Variants in SPTAN1 observed in about 807,000 individuals in gnomAD.
SPTAN1 encodes spectrin alpha, non-erythrocytic 1.
A neutral mutation model predicts 331.3 loss-of-function variants in SPTAN1; 61 were observed. That is an observed-to-expected ratio of 0.18 (90% confidence interval 0.15 to 0.23). The LOEUF (loss-of-function observed/expected upper bound fraction) is 0.23, where lower values mean the gene tolerates loss of function less well. Ranked by LOEUF, SPTAN1 falls within the 10% of genes least tolerant of loss-of-function variation. The pLI, the probability that SPTAN1 is intolerant of heterozygous loss-of-function variation, is 1.00. For missense variants in SPTAN1, 2,043 were observed against 3,147.9 expected (o/e 0.65, Z 8.40); for synonymous variants, 1,153 against 1,173.9 (o/e 0.98, Z 0.36).
Position 128,559,611 on chromosome 9 carries a change from AG to A in SPTAN1, c.-4+6916del, listed in dbSNP as rs548197086. Among the ~76,000 whole-genome samples, 82 of 152,298 alleles carry A rather than the reference AG, an allele frequency of 5.4e-4. 2 individuals carry two copies. Among genetic ancestry groups the A allele is most frequent in the African/African-American group, 1.9e-3 (80 of 41,564 alleles). The stretch of plus-strand genomic sequence containing the variant: ...AGAAAATTTTGGAAGCAAACAAATT[AG>A]ATGCATAATTTCTCAATGTTTTTCC... On this transcript the variant is annotated intron_variant, in intron 1 of 56. Coordinates refer to ENST00000372739, the MANE Select transcript of SPTAN1 (RefSeq NM_001130438.3).
At position 128,588,824 on chromosome 9, in the gene SPTAN1, A is replaced by G; in HGVS notation, c.2887A>G (p.Thr963Ala). ...AQSCRQQVAP[T>A]DDETGKELVL... Reference sequence around the variant, plus strand: ...GGATTTTTAGCAACAAGTGGCCCCCACGGATGATGAGACTGGGAAGGAGCT... The same window carrying G: ...GGATTTTTAGCAACAAGTGGCCCCCGCGGATGATGAGACTGGGAAGGAGCT... The change falls in exon 21 of 57, where the codon ACG becomes GCG. Residue 963 changes from threonine (T) to alanine (A), a missense_variant. By Grantham distance (58) the Thr-to-Ala change is moderately conservative. This residue lies in a region of SPTAN1 where 1,038 missense variants were observed against 1,531.5 expected (regional missense o/e 0.68). Transcript: ENST00000372739. The G allele has an allele frequency of 1.2e-6, 2 of 1,614,074 alleles. No individual in the cohort carries two copies. The highest frequency in any genetic ancestry group is 2.2e-5 in the South Asian group (2 of 91,076).
intron 1 of SPTAN1, among the ~76,000 whole-genome samples, chr9:128,558,756 A>G (rs1446044301): frequency 6.6e-6 from 1 of 152,178 alleles, no homozygotes; most frequent in Non-Finnish European, 1.5e-5. Context: ...TGCAGCATGC[A>G]GCCTCGGTTG....
intron 19 of SPTAN1, 107 bp from the exon 20 acceptor site, chr9:128,587,499 T>C: frequency 1.2e-6 from 1 of 857,114 alleles, no homozygotes; most frequent in Admixed American, 1.8e-5. Flanking sequence ...ATTACGTCAT[T>C]GTGCAACTGA....
chr9:128,555,742 C>T (rs965811854), intron 1 of SPTAN1, among the ~76,000 whole-genome samples: 1 of 148,812 alleles, frequency 6.7e-6, no homozygotes, highest in South Asian at 2.1e-4. Flanking sequence ...TTGGTGGCTA[C>T]TTGGTTTTTA....
chr9:128,556,648 C>T (rs1355921539), intron 1 of SPTAN1, among the ~76,000 whole-genome samples: 1 of 152,154 alleles, frequency 6.6e-6, no homozygotes, highest in Non-Finnish European at 1.5e-5. Flanking sequence ...AAAGCTAAGT[C>T]CCTGCTCACC....
Position 128,591,603 on chromosome 9 carries a change from C to T in SPTAN1, c.3133C>T (p.Arg1045Trp), listed in dbSNP as rs794727356. The change falls in exon 22 of 57, where the codon CGG becomes TGG. Residue 1045 changes from arginine (R) to tryptophan (W), a missense_variant. Arg to Trp is a moderately radical substitution (Grantham distance 101, BLOSUM62 -3). This residue lies in a region of SPTAN1 where 1,038 missense variants were observed against 1,531.5 expected (regional missense o/e 0.68). Coordinates refer to ENST00000372739, the MANE Select transcript of SPTAN1 (RefSeq NM_001130438.3). ...GGAGGAGCAAGGCAGCATAGCACTG[C>T]GGCAGGAGCAGATTGACAATCAGTA... Reference protein sequence around the residue: ...LLEEQGSIALRQEQIDNQTRI... With the variant: ...LLEEQGSIALWQEQIDNQTRI... The T allele has an allele frequency of 2.1e-5, 34 of 1,614,022 alleles. No homozygotes were observed. Among genetic ancestry groups the T allele is most frequent in the East Asian group, 4.5e-5 (2 of 44,892 alleles).
Position 128,628,026 on chromosome 9 carries a change from C to A in SPTAN1, c.6707+84C>A, listed in dbSNP as rs766711939. On this transcript the variant is annotated intron_variant, in intron 51 of 56. Coordinates refer to ENST00000372739, the MANE Select transcript of SPTAN1 (RefSeq NM_001130438.3). ...CCTCGTGGCCTGGCTTGTGGAGGAT[C>A]CCGGGATGGGCCTTCCTGCCCAGGG... is the stretch of plus-strand genomic sequence containing the variant. 6 of 1,561,196 alleles carry A rather than the reference C, an allele frequency of 3.8e-6. No individual in the cohort carries two copies. The African/African-American group carries it at 8.1e-5, about 21-fold the overall frequency.
intron 3 of SPTAN1, among the ~76,000 whole-genome samples, chr9:128,574,372 ATAT>A (rs1248652407): frequency 1.3e-5 from 2 of 148,882 alleles, no homozygotes; most frequent in Non-Finnish European, 3.0e-5. Context: ...AAATATAAAG[ATAT>A]TATTAATAAT....
intron 21 of SPTAN1, among the ~76,000 whole-genome samples, chr9:128,589,490 G>A (rs1333005822): frequency 2.0e-5 from 3 of 150,288 alleles, no homozygotes; most frequent in Non-Finnish European, 3.0e-5. Flanking sequence ...GGGTTTCACC[G>A]TGGTCTCTAT....
In SPTAN1 at chr9:128,625,027, C is replaced by A; in HGVS notation, c.5993-76C>A. 2 of 1,421,116 alleles carry A rather than the reference C, an allele frequency of 1.4e-6. No homozygotes were observed. Among genetic ancestry groups the A allele is most frequent in the South Asian group, 1.1e-5 (1 of 87,082 alleles). 88.0% of individuals were successfully genotyped at this position (1,421,116 alleles called of 1,614,324 possible). A position where few individuals can be genotyped will look rare whatever the true frequency, so the allele number is the denominator to read the frequency against. On this transcript the variant is annotated intron_variant, in intron 46 of 56. Coordinates refer to ENST00000372739, the MANE Select transcript of SPTAN1 (RefSeq NM_001130438.3). This position sits in a 1 kb window ranked among gnomAD's most constrained non-coding sequence, Gnocchi z 4.1. ...TATCTGTACACAAAAAATGGTTTGT[C>A]TGGGTTTTGATGTTTTTCCTTTCTA...
rs182626203 is a variant in SPTAN1 at position 128,558,038 on chromosome 9, C to T, written c.-4+5342C>T. Among the ~76,000 whole-genome samples, 8 of 151,718 alleles carry T rather than the reference C, an allele frequency of 5.3e-5. No individual in the cohort carries two copies. In the East Asian group the frequency reaches 1.5e-3, roughly 29 times the overall value. ...CAGGATGGTCTCAATCTCCTGACCT[C>T]GTGATCCATCTGCCTCAGCCTCCCA... On this transcript the variant is annotated intron_variant, in intron 1 of 56. Transcript: ENST00000372739.
At position 128,600,116 on chromosome 9, in the gene SPTAN1, G is replaced by T; in HGVS notation, c.3579+1G>T. The T allele has an allele frequency of 6.2e-7, 1 of 1,614,160 alleles. No homozygotes were observed. Among genetic ancestry groups the T allele is most frequent in the Non-Finnish European group, 8.5e-7 (1 of 1,179,996 alleles). ...TTCCAAGACAGCCTCCCCGTGGAAG[G>T]TAAGAACTCCTTTGCAAATTATTGT... On this transcript the variant is annotated splice_donor_variant, in intron 27 of 56. Coordinates refer to ENST00000372739, the MANE Select transcript of SPTAN1 (RefSeq NM_001130438.3). LOFTEE classifies it high-confidence loss of function.
intron 40 of SPTAN1, among the ~76,000 whole-genome samples, chr9:128,614,904 C>G (rs1856974459): frequency 6.6e-6 from 1 of 152,156 alleles, no homozygotes; most frequent in Admixed American, 6.5e-5. Flanking sequence ...GATTTTGCAA[C>G]ATCATGCATG....
intron 24 of SPTAN1, among the ~76,000 whole-genome samples, chr9:128,597,970 T>TG: frequency 6.7e-6 from 1 of 148,264 alleles, no homozygotes; most frequent in Non-Finnish European, 1.5e-5. Context: ...GTTTTTGAGA[T>TG]GGAGTTTCGC....
rs781494631 is a variant in SPTAN1, at chr9:128,608,954, C to T, written c.4572C>T (p.Ser1524=). 6.8e-6 allele frequency: 11 copies of T among 1,614,220 alleles called. No homozygotes were observed. Among genetic ancestry groups the T allele is most frequent in the Non-Finnish European group, 7.6e-6 (9 of 1,180,036 alleles). ...ATTATGCCAAGGGAGACATTTCTAG[C>T]CGGCGCAATGAGGTCTTGGACAGGT... ...AGHYAKGDIS[S]RRNEVLDRWR... is the part of the protein sequence containing the mutation. The change falls in exon 35 of 57, where the codon AGC becomes AGT. Residue 1524 remains serine, a synonymous_variant. Coordinates refer to ENST00000372739, the MANE Select transcript of SPTAN1 (RefSeq NM_001130438.3).
intron 37 of SPTAN1, among the ~76,000 whole-genome samples, chr9:128,611,156 G>C (rs545349364): frequency 6.6e-6 from 1 of 152,250 alleles, no homozygotes; most frequent in South Asian, 2.1e-4. Flanking sequence ...CTCCCAAATA[G>C]CTAGCATAGC....
intron 31 of SPTAN1, 122 bp from the exon 32 acceptor site, chr9:128,607,482 T>C (rs1319293647): frequency 6.9e-6 from 6 of 869,792 alleles, no homozygotes; most frequent in South Asian, 5.6e-5. Flanking sequence ...CCTCATTCAG[T>C]AGATCAGATT....
chr9:128,629,129 G>A lies in SPTAN1; in HGVS notation c.6707+1187G>A, dbSNP rs893321513. The A allele has an allele frequency of 2.5e-6, 1 of 398,658 alleles. No homozygotes were observed. Among genetic ancestry groups the A allele is most frequent in the African/African-American group, 2.1e-5 (1 of 48,616 alleles). The allele number at this position is 398,658 out of a possible 1,614,324, so 24.7% of individuals were successfully genotyped here. A position where few individuals can be genotyped will look rare whatever the true frequency, so the allele number is the denominator to read the frequency against. On this transcript the variant is annotated intron_variant, in intron 51 of 56. Transcript: ENST00000372739. The surrounding 1 kb of genome is among the most constrained non-coding windows in gnomAD (Gnocchi z 4.9). ...TGGTTTCTTTTCTTTGAATAGCATA[G>A]CATATCGTCGGGTCATTCGTGTCTA... is the stretch of plus-strand genomic sequence containing the variant.
chr9:128,622,902 G>GCCA (rs1858106042), intron 45 of SPTAN1, among the ~76,000 whole-genome samples: 1 of 151,484 alleles, frequency 6.6e-6, no homozygotes. Flanking sequence ...ACAGGCGCCT[G>GCCA]CCACCACGCC....
Sources: gnomAD v4.1 joint callset for allele counts (sites outside exome capture counted in the v4.1 genomes callset) on GRCh38, gnomAD v4.1.1 for gene constraint, gnomAD v4.1.1 regional missense constraint, Gnocchi (gnomAD v3.1) non-coding constraint, MANE v1.5 for transcripts, NCBI Gene and HGNC (gene_info 2026-07-23, HGNC 2026-07-21) for gene names.